The following CCDC125 variants were observed in gnomAD, a reference collection of about 807,000 sequenced individuals.
The protein encoded by CCDC125 is coiled-coil domain containing 125, also known as coiled-coil domain-containing protein 125.
Under a neutral mutation model 57.4 loss-of-function variants are expected in CCDC125, and 43 were observed. The observed-to-expected ratio is 0.75, with a 90% confidence interval of 0.59 to 0.97. CCDC125 has a LOEUF of 0.97. Ranked by LOEUF, CCDC125 falls within the 50% of genes least tolerant of loss-of-function variation. The pLI, the probability that CCDC125 is intolerant of heterozygous loss-of-function variation, is 0.00. For synonymous variants in CCDC125, 187 were observed against 195.2 expected, an observed-to-expected ratio of 0.96 and a Z score of 0.35; for missense variants, 563 against 595.7, an observed-to-expected ratio of 0.95 and a Z score of 0.57.
chr5:69,293,518 C>T (rs888827634), intron 9 of CCDC125, among the ~76,000 whole-genome samples: 44 of 151,994 alleles, frequency 2.9e-4, no homozygotes, highest in Admixed American at 1.0e-3. Flanking sequence ...GGAGTGGTGG[C>T]AGGCGCCTGT....
chr5:69,307,043 T>C (rs529021981), intron 5 of CCDC125, 141 bp from the exon 6 acceptor site: 9 of 1,035,704 alleles, frequency 8.7e-6, no homozygotes, highest in Admixed American at 8.7e-5. Context: ...TCTAAAAGTA[T>C]CTCTGACATT....
At chr5:69,300,193 A>C in intron 7 of CCDC125, 66 bp from the exon 8 acceptor site, 1 of 1,118,920 alleles carries the variant, frequency 8.9e-7, no homozygotes, top group East Asian at 2.3e-5. Context: ...CAATCTAGTT[A>C]CCCCAACATG....
At chr5:69,328,650 G>A (rs1177893003) in intron 1 of CCDC125, among the ~76,000 whole-genome samples, 1 of 151,970 alleles carries the variant, frequency 6.6e-6, no homozygotes, top group East Asian at 1.9e-4. Context: ...TAAATTAGTA[G>A]GATTAGAGTA....
At chr5:69,303,815 A>T in intron 7 of CCDC125, 32 bp downstream of exon 7, 1 of 1,203,648 alleles carries the variant, frequency 8.3e-7, no homozygotes, top group Non-Finnish European at 1.2e-6. Context: ...CTTTATTGAT[A>T]CATGTGCTCT....
rs2150261514 is a variant in CCDC125, at chr5:69,281,722, A to T, written c.*1007T>A. 1.3e-5 allele frequency: 2 copies of T among 152,312 alleles called. No homozygotes were observed. Among genetic ancestry groups the T allele is most frequent in the Middle Eastern group, 6.8e-3 (2 of 294 alleles). The allele number at this position is 152,312 out of a possible 1,614,324, so 9.4% of individuals were successfully genotyped here. ...AGATAAATGAATTCCAGAAATTAAC[A>T]TTCAGTCAGTCCTAGGTATTGTTAC... On this transcript the variant is annotated 3_prime_UTR_variant, in exon 12 of 12. Coordinates refer to ENST00000396496, the MANE Select transcript of CCDC125 (RefSeq NM_176816.5).
chr5:69,303,982 C>T (rs938768163), intron 6 of CCDC125, 53 bp from the exon 7 acceptor site: 33 of 1,002,384 alleles, frequency 3.3e-5, no homozygotes, highest in Non-Finnish European at 4.0e-5. Context: ...CCTTGCTGAG[C>T]GAGAATATTT....
intron 10 of CCDC125, among the ~76,000 whole-genome samples, chr5:69,291,808 A>G (rs1160480596): frequency 6.6e-6 from 1 of 152,218 alleles, no homozygotes; most frequent in Non-Finnish European, 1.5e-5. Flanking sequence ...ATAAAGTTTA[A>G]TTAGATAGAT....
At chr5:69,329,601 C>A (rs1465866778) in intron 1 of CCDC125, among the ~76,000 whole-genome samples, 8 of 147,560 alleles carry the variant, frequency 5.4e-5, no homozygotes, top group Non-Finnish European at 1.2e-4. Context: ...CCTCCTGGGT[C>A]AAGTGATTCT....
At chr5:69,283,540 C>T (rs1752802896) in intron 11 of CCDC125, among the ~76,000 whole-genome samples, 1 of 146,594 alleles carries the variant, frequency 6.8e-6, no homozygotes, top group Non-Finnish European at 1.5e-5. Flanking sequence ...TTTTTTAAGA[C>T]AGGGTCTGGC....
chr5:69,275,530 C>A (rs1445429642), downstream of CCDC125, among the ~76,000 whole-genome samples: 5 of 152,016 alleles, frequency 3.3e-5, no homozygotes, highest in East Asian at 9.6e-4. Context: ...ATCCTTAATC[C>A]AAATATCCGA....
At position 69,320,546 on chromosome 5, in the gene CCDC125, A is replaced by T; in HGVS notation, c.-6T>A. On this transcript the variant is annotated 5_prime_UTR_variant, in exon 2 of 12. Coordinates refer to ENST00000396496, the MANE Select transcript of CCDC125 (RefSeq NM_176816.5). ...GATCTTGCCACCTTGCTCATGAGCC[A>T]AATGCCGTCTTTATCATAAGAAAAA... The T allele has an allele frequency of 6.3e-7, 1 of 1,595,456 alleles. No individual in the cohort carries two copies. Among genetic ancestry groups the T allele is most frequent in the Non-Finnish European group, 8.5e-7 (1 of 1,170,876 alleles).
intron 2 of CCDC125, among the ~76,000 whole-genome samples, chr5:69,315,468 A>C (rs1449859699): frequency 1.7e-5 from 1 of 57,930 alleles, no homozygotes; most frequent in African/African-American, 4.0e-5. Flanking sequence ...AAAACAAAAA[A>C]AAAAAAGGCC....
At chr5:69,294,300 C>T (rs1464328299) in intron 9 of CCDC125, 1 of 203,288 alleles carries the variant, frequency 4.9e-6, no homozygotes, top group African/African-American at 2.4e-5. Flanking sequence ...AAATATCATG[C>T]CAAGTACTTT....
downstream of CCDC125, chr5:69,276,395 G>A: frequency 1.5e-6 from 1 of 674,642 alleles, no homozygotes; most frequent in East Asian, 2.7e-5. Flanking sequence ...ATTTCCATTT[G>A]CAAATACTTG....
At chr5:69,279,637 T>G (rs1752373238), downstream of CCDC125, among the ~76,000 whole-genome samples, 1 of 152,074 alleles carries the variant, frequency 6.6e-6, no homozygotes, top group Non-Finnish European at 1.5e-5. Flanking sequence ...ACAGCAGCAG[T>G]GCATCAAACC....
At chr5:69,299,078 T>G (rs968771199) in intron 8 of CCDC125, among the ~76,000 whole-genome samples, 3 of 151,966 alleles carry the variant, frequency 2.0e-5, no homozygotes, top group African/African-American at 7.2e-5. Flanking sequence ...TATTTGCTAT[T>G]ATTATTACCA....
At chr5:69,298,754 C>T (rs571705868) in intron 8 of CCDC125, among the ~76,000 whole-genome samples, 4 of 152,152 alleles carry the variant, frequency 2.6e-5, no homozygotes, top group Admixed American at 6.6e-5. Context: ...AACACCCTGT[C>T]CCTAAACTTT....
intron 10 of CCDC125, among the ~76,000 whole-genome samples, chr5:69,290,503 A>G (rs926416340): frequency 6.6e-6 from 1 of 150,528 alleles, no homozygotes; most frequent in East Asian, 1.9e-4. Context: ...GGGTTTCTCA[A>G]TGTTGGCCAG....
At chr5:69,274,329 G>A in the CCDC125 span, among the ~76,000 whole-genome samples, 1 of 152,166 alleles carries the variant, frequency 6.6e-6, no homozygotes, top group African/African-American at 2.4e-5. Context: ...TGATTTAGAA[G>A]TAATGCTTTA....
Sources: allele counts gnomAD v4.1 joint callset (sites outside exome capture counted in the v4.1 genomes callset), GRCh38; gene constraint gnomAD v4.1.1; transcripts MANE v1.5; gene names NCBI Gene and HGNC (gene_info 2026-07-23, HGNC 2026-07-21).